GALNT17: variants seen among roughly 807,000 people sequenced by gnomAD.
The protein encoded by GALNT17 is polypeptide N-acetylgalactosaminyltransferase 17.
In GALNT17, 29 loss-of-function variants were observed where a neutral mutation model predicts 63.7. That is an observed-to-expected ratio of 0.46 (90% CI 0.34 to 0.62). The LOEUF (loss-of-function observed/expected upper bound fraction) is 0.62. Among genes scored for constraint, GALNT17 ranks in the 20% least tolerant of loss-of-function variants. The pLI, the probability that GALNT17 is intolerant of heterozygous loss-of-function variation, is 0.01. For missense variants in GALNT17, 603 were observed against 799.6 expected (o/e 0.75, Z 2.97); for synonymous variants, 305 against 318.3 (o/e 0.96, Z 0.45).
chr7:71,221,112 T>TA (rs1789574907), intron 1 of GALNT17, among the ~76,000 whole-genome samples: 1 of 152,106 alleles, frequency 6.6e-6, no homozygotes, highest in South Asian at 2.1e-4. Flanking sequence ...TTGCTCCCAT[T>TA]ACCCCTTGCC....
chr7:71,489,738 A>G (rs1221788134), intron 5 of GALNT17, among the ~76,000 whole-genome samples: 1 of 152,234 alleles, frequency 6.6e-6, no homozygotes, highest in Non-Finnish European at 1.5e-5. Context: ...GCCTGCAAAC[A>G]TCATGTAGCT....
intron 5 of GALNT17, among the ~76,000 whole-genome samples, chr7:71,563,557 G>A (rs1271921700): frequency 6.6e-6 from 1 of 152,090 alleles, no homozygotes; most frequent in Non-Finnish European, 1.5e-5. Flanking sequence ...ACGCTGACTG[G>A]CCTGTCCATG....
At chr7:71,451,373 T>C (rs181296893) in intron 5 of GALNT17, among the ~76,000 whole-genome samples, 218 of 152,372 alleles carry the variant, frequency 1.4e-3, no homozygotes, top group African/African-American at 4.9e-3. Flanking sequence ...AAAGTTTTCT[T>C]GACCATTCTT....
intron 2 of GALNT17, among the ~76,000 whole-genome samples, chr7:71,340,729 A>G (rs1791992695): frequency 6.6e-6 from 1 of 152,188 alleles, no homozygotes. Context: ...GAGCAAATAG[A>G]TATATTAAGA....
chr7:71,268,800 G>A (rs1219006610), intron 1 of GALNT17, among the ~76,000 whole-genome samples: 1 of 152,058 alleles, frequency 6.6e-6, no homozygotes, highest in African/African-American at 2.4e-5. Flanking sequence ...TTGGGGTTGT[G>A]CCTGTCTCCT....
chr7:71,384,426 C>T (rs1326244877), intron 2 of GALNT17, among the ~76,000 whole-genome samples: 3 of 152,136 alleles, frequency 2.0e-5, no homozygotes, highest in African/African-American at 4.8e-5. Flanking sequence ...CATTGTCTTG[C>T]AGCTACTCTG....
intron 1 of GALNT17, among the ~76,000 whole-genome samples, chr7:71,317,463 A>G (rs1252665419): frequency 6.6e-6 from 1 of 152,208 alleles, no homozygotes; most frequent in African/African-American, 2.4e-5. Flanking sequence ...CTTGCCTGTA[A>G]TCCCAGCACT....
intron 1 of GALNT17, among the ~76,000 whole-genome samples, chr7:71,258,912 A>C (rs1242849824): frequency 6.6e-6 from 1 of 152,204 alleles, no homozygotes; most frequent in Admixed American, 6.5e-5. Context: ...AAGACATTTG[A>C]CGCAGAAAAG....
At chr7:71,335,837 A>G in intron 2 of GALNT17, 104 bp downstream of exon 2, 3 of 1,057,734 alleles carry the variant, frequency 2.8e-6, no homozygotes, top group Non-Finnish European at 3.8e-6. Context: ...CTCTTGGGGG[A>G]GTTTTTATTT....
intron 2 of GALNT17, among the ~76,000 whole-genome samples, chr7:71,356,038 C>T (rs980028946): frequency 2.2e-4 from 34 of 151,946 alleles, no homozygotes; most frequent in African/African-American, 7.7e-4. Flanking sequence ...AGTGCAGTGG[C>T]GCGATCTCGG....
At chr7:71,660,893 C>T (rs1349283311) in intron 6 of GALNT17, among the ~76,000 whole-genome samples, 1 of 152,216 alleles carries the variant, frequency 6.6e-6, no homozygotes, top group Non-Finnish European at 1.5e-5. Context: ...CCCCAGCCAA[C>T]ACAGAGCAGA....
chr7:71,485,474 C>T (rs1313262327), intron 5 of GALNT17, among the ~76,000 whole-genome samples: 1 of 152,190 alleles, frequency 6.6e-6, no homozygotes, highest in East Asian at 1.9e-4. Flanking sequence ...AGTGCCAGTC[C>T]TAGCTTCTGA....
At chr7:71,178,160 T>C (rs1175891125) in intron 1 of GALNT17, among the ~76,000 whole-genome samples, 1 of 152,216 alleles carries the variant, frequency 6.6e-6, no homozygotes, top group Non-Finnish European at 1.5e-5. Flanking sequence ...ATTTTCATTT[T>C]TGAAGAAAGT....
chr7:71,275,508 G>C (rs747759721), intron 1 of GALNT17, among the ~76,000 whole-genome samples: 1 of 152,220 alleles, frequency 6.6e-6, no homozygotes, highest in Non-Finnish European at 1.5e-5. Flanking sequence ...GGTGATGTTG[G>C]TGCTGAAACC....
At chr7:71,414,896 T>G (rs1158709828) in intron 3 of GALNT17, among the ~76,000 whole-genome samples, 2 of 152,332 alleles carry the variant, frequency 1.3e-5, no homozygotes, top group East Asian at 3.9e-4. Flanking sequence ...GACATGTACC[T>G]GGAGTGCAAG....
intron 1 of GALNT17, among the ~76,000 whole-genome samples, chr7:71,155,074 A>G (rs1209450164): frequency 6.6e-6 from 1 of 151,512 alleles, no homozygotes; most frequent in African/African-American, 2.4e-5. Context: ...CAAGTTTCTG[A>G]CAGTTGTCCT....
intron 1 of GALNT17, among the ~76,000 whole-genome samples, chr7:71,177,895 A>C (rs1720970599): frequency 6.6e-6 from 1 of 152,218 alleles, no homozygotes; most frequent in African/African-American, 2.4e-5. Context: ...TTATGTTAAA[A>C]GGAAGGTAGG....
At position 71,531,914 on chromosome 7, in the gene GALNT17, C is replaced by T. The variant is rs140172138; in HGVS notation, c.963-39371C>T. On this transcript the variant is annotated intron_variant, in intron 5 of 10. Coordinates refer to ENST00000333538, the MANE Select transcript of GALNT17 (RefSeq NM_022479.3). ...AAAGGAATACTGAGGTAACCAAGAA[C>T]AATAATGTAGGAAGCAGCTTCCAAT... 1.2e-4 allele frequency among the ~76,000 whole-genome samples: 19 copies of T among 152,274 alleles called. No homozygotes were observed. In the East Asian group the frequency reaches 3.5e-3, roughly 28 times the overall value.
chr7:71,520,435 A>G (rs949157905), intron 5 of GALNT17, among the ~76,000 whole-genome samples: 3 of 152,052 alleles, frequency 2.0e-5, no homozygotes, highest in African/African-American at 7.2e-5. Flanking sequence ...AGGCAGGAGA[A>G]TTGCTTGAAC....
Sources: gnomAD v4.1 joint callset for allele counts (sites outside exome capture counted in the v4.1 genomes callset) on GRCh38, gnomAD v4.1.1 for gene constraint, MANE v1.5 for transcripts, NCBI Gene and HGNC (gene_info 2026-07-23, HGNC 2026-07-21) for gene names.